Variants in MALRD1 observed in about 807,000 individuals in gnomAD.
MALRD1 encodes MAM and LDL-receptor class A domain-containing protein 1.
A neutral mutation model predicts 242.1 loss-of-function variants in MALRD1; 247 were observed. That is an observed-to-expected ratio of 1.02 (90% confidence interval 0.92 to 1.13). MALRD1 has a LOEUF of 1.13. Ranked by LOEUF, MALRD1 falls within the 50% of genes most tolerant of loss-of-function variation. MALRD1 has a pLI of 0.00. For missense variants in MALRD1, 2,989 were observed against 2,533.1 expected (o/e 1.18, Z -3.86); for synonymous variants, 995 against 866.6 (o/e 1.15, Z -2.60).
At chr10:19,160,086 T>G (rs1834331672) in intron 12 of MALRD1, among the ~76,000 whole-genome samples, 1 of 152,182 alleles carries the variant, frequency 6.6e-6, no homozygotes, top group Non-Finnish European at 1.5e-5. Flanking sequence ...TCTGCCTTAG[T>G]GGAGACCCAA....
intron 7 of MALRD1, among the ~76,000 whole-genome samples, chr10:19,125,322 CTTCTTTCTTTCTTTCTTTCT>C (rs1200202607): frequency 1.3e-4 from 8 of 63,754 alleles, no homozygotes; most frequent in Non-Finnish European, 2.0e-4. Flanking sequence ...TCCTTCCTTC[CTTCTTTCTTTCTTTCTTTCT>C]TTCTTTCTTT....
At chr10:19,550,232 A>G (rs6481973) in intron 32 of MALRD1, among the ~76,000 whole-genome samples, 126,879 of 151,808 alleles carry the variant, frequency 0.84, 53,064 homozygotes, top group Admixed American at 0.85. Context: ...CCGCTCCCCT[A>G]CTTGCCTATG....
intron 36 of MALRD1, among the ~76,000 whole-genome samples, chr10:19,681,328 A>G (rs959171422): frequency 6.6e-6 from 1 of 152,042 alleles, no homozygotes. Flanking sequence ...GCATAATCAC[A>G]TAGTTCTCTG....
intron 28 of MALRD1, among the ~76,000 whole-genome samples, chr10:19,392,667 T>C (rs1246312441): frequency 6.6e-6 from 1 of 152,196 alleles, no homozygotes; most frequent in Non-Finnish European, 1.5e-5. Context: ...AATGTAAGTT[T>C]TGTGTCTTCA....
chr10:19,502,251 T>C (rs1183554177), intron 31 of MALRD1, among the ~76,000 whole-genome samples: 1 of 151,940 alleles, frequency 6.6e-6, no homozygotes, highest in African/African-American at 2.4e-5. Flanking sequence ...AATAAACTTT[T>C]CTAAAATTTT....
rs1835406611 is a variant in MALRD1, at chr10:19,734,264, C to T, written c.*27C>T. On this transcript the variant is annotated 3_prime_UTR_variant, in exon 40 of 40. Transcript: ENST00000454679. ...AGCATCGAGACCAAGTCTGATCCAA[C>T]ATGTGTAGTTTCTAGAAAATTGAAG... 1 of 1,509,584 alleles carries T rather than the reference C, an allele frequency of 6.6e-7. No homozygotes were observed. The highest frequency in any genetic ancestry group is 2.5e-5 in the East Asian group (1 of 40,682). The allele number at this position is 1,509,584 out of a possible 1,614,324, so 93.5% of individuals were successfully genotyped here. A position where few individuals can be genotyped will look rare whatever the true frequency, so the allele number is the denominator to read the frequency against.
At chr10:19,539,914 GCA>G (rs762357091) in intron 32 of MALRD1, among the ~76,000 whole-genome samples, 6,229 of 85,494 alleles carry the variant, frequency 0.073, 684 homozygotes, top group African/African-American at 0.23. Context: ...GCGCGTGCGC[GCA>G]CACACGCGCA....
chr10:19,242,227 G>C (rs1045273138), intron 18 of MALRD1, among the ~76,000 whole-genome samples: 2 of 152,076 alleles, frequency 1.3e-5, no homozygotes, highest in East Asian at 1.9e-4. Flanking sequence ...AAGTGAAAGG[G>C]TTCCCCCTTA....
intron 20 of MALRD1, among the ~76,000 whole-genome samples, 196 bp from the exon 21 acceptor site, chr10:19,282,815 TTTCCTATA>T (rs1840882627): frequency 6.8e-6 from 1 of 146,542 alleles, no homozygotes; most frequent in Non-Finnish European, 1.5e-5. Context: ...TCCTATATTT[TTTCCTATA>T]AATATTTGAC....
At chr10:19,390,732 G>A (rs1263250155) in intron 28 of MALRD1, among the ~76,000 whole-genome samples, 2 of 152,004 alleles carry the variant, frequency 1.3e-5, no homozygotes, top group Non-Finnish European at 2.9e-5. Flanking sequence ...AAATGCCTGA[G>A]CTGAATACCA....
At chr10:19,360,942 C>T (rs1312910139) in intron 26 of MALRD1, among the ~76,000 whole-genome samples, 2 of 151,800 alleles carry the variant, frequency 1.3e-5, no homozygotes, top group African/African-American at 4.8e-5. Context: ...TTTCATATAG[C>T]TTTACTATGG....
At chr10:19,509,140 AAAG>A (rs1589172211) in intron 31 of MALRD1, among the ~76,000 whole-genome samples, 4 of 152,334 alleles carry the variant, frequency 2.6e-5, no homozygotes, top group South Asian at 2.1e-4. Context: ...AACATTATTA[AAAG>A]AAGAATGTTA....
At chr10:19,617,802 C>T (rs7074359) in intron 36 of MALRD1, among the ~76,000 whole-genome samples, 6,377 of 151,996 alleles carry the variant, frequency 0.042, 408 homozygotes, top group African/African-American at 0.14. Context: ...TTCAAAATCT[C>T]CCATGACAAG....
intron 2 of MALRD1, among the ~76,000 whole-genome samples, chr10:19,070,245 A>G (rs1432536984): frequency 1.3e-5 from 2 of 152,086 alleles, no homozygotes; most frequent in African/African-American, 4.8e-5. Context: ...AATACACCCA[A>G]CCTACTGAGA....
chr10:19,278,846 A>G (rs1348277874), intron 19 of MALRD1, among the ~76,000 whole-genome samples: 2 of 152,184 alleles, frequency 1.3e-5, no homozygotes, highest in Non-Finnish European at 2.9e-5. Context: ...CAAATGATAT[A>G]ATAAGCAAAT....
intron 2 of MALRD1, among the ~76,000 whole-genome samples, chr10:19,072,212 A>G (rs1272956874): frequency 6.6e-6 from 1 of 152,128 alleles, no homozygotes; most frequent in Admixed American, 6.6e-5. Context: ...CGAACAACTC[A>G]TCTATTCCAG....
intron 24 of MALRD1, among the ~76,000 whole-genome samples, chr10:19,334,984 T>C (rs1001347797): frequency 2.6e-5 from 4 of 152,098 alleles, no homozygotes; most frequent in Non-Finnish European, 5.9e-5. Flanking sequence ...GCTCTAAAGT[T>C]GTGCGTATTT....
In MALRD1 at chr10:19,583,340, G is replaced by A. The variant is rs796378941; in HGVS notation, c.5681-11854G>A. ...AATGCTTCCAGTTTTTGCCCATTCA[G>A]TATGATATTGGCTGTGGGTTTGTCG... On this transcript the variant is annotated intron_variant, in intron 33 of 39. Coordinates refer to ENST00000454679, the MANE Select transcript of MALRD1 (RefSeq NM_001142308.3). 9.7e-3 allele frequency among the ~76,000 whole-genome samples: 1,464 copies of A among 150,168 alleles called. 36 individuals carry two copies. Among genetic ancestry groups the A allele is most frequent in the East Asian group, 0.088 (441 of 5,002 alleles).
chr10:19,705,818 A>T (rs1038726647), intron 38 of MALRD1, among the ~76,000 whole-genome samples: 2 of 150,546 alleles, frequency 1.3e-5, no homozygotes, highest in Non-Finnish European at 3.0e-5. Context: ...AAAAAAAAAA[A>T]GCCCACAAGA....
Sources: allele counts gnomAD v4.1 joint callset (sites outside exome capture counted in the v4.1 genomes callset), GRCh38; gene constraint gnomAD v4.1.1; transcripts MANE v1.5; gene names NCBI Gene and HGNC (gene_info 2026-07-23, HGNC 2026-07-21).